CFAP58: variants seen among roughly 807,000 people sequenced by gnomAD.
The protein encoded by CFAP58 is cilia- and flagella-associated protein 58.
In CFAP58, 88 loss-of-function variants were observed where a neutral mutation model predicts 119.5. The observed-to-expected ratio is 0.74, with a 90% CI of 0.62 to 0.88. CFAP58 has a LOEUF of 0.88. CFAP58 is among the 40% of genes least tolerant of loss of function. CFAP58 has a pLI of 0.00. For synonymous variants in CFAP58, 365 were observed against 366.3 expected (o/e 1.00, Z 0.04); for missense variants, 990 against 1,021.2 (o/e 0.97, Z 0.42).
rs762411980 is a variant in CFAP58, at chr10:104,406,814, A to G, written c.2256+21A>G. ...TCCAGGTAGCATTTTTGTTTTCTGT[A>G]CTCATTGTACAAGTCCTTAGCACCA... is the stretch of plus-strand genomic sequence containing the variant. On this transcript the variant is annotated intron_variant, in intron 15 of 17. Coordinates refer to ENST00000369704, the MANE Select transcript of CFAP58 (RefSeq NM_001008723.2). The G allele has an allele frequency of 2.5e-6, 4 of 1,582,596 alleles. No homozygotes were observed. The South Asian group carries it at 4.4e-5, about 18-fold the overall frequency.
intron 15 of CFAP58, among the ~76,000 whole-genome samples, chr10:104,410,710 A>C (rs2012446392): frequency 6.6e-6 from 1 of 151,956 alleles, no homozygotes; most frequent in African/African-American, 2.4e-5. Flanking sequence ...TTGGGTATTA[A>C]TTTAGTTTTG....
chr10:104,405,623 A>C (rs1490317138), intron 14 of CFAP58, among the ~76,000 whole-genome samples: 1 of 152,248 alleles, frequency 6.6e-6, no homozygotes, highest in Non-Finnish European at 1.5e-5. Context: ...TAGTGAAGGA[A>C]CATCAAAGCT....
intron 15 of CFAP58, among the ~76,000 whole-genome samples, chr10:104,415,929 G>A (rs559782564): frequency 6.6e-6 from 1 of 152,310 alleles, no homozygotes; most frequent in South Asian, 2.1e-4. Flanking sequence ...TCCTTTGAGT[G>A]CTTACTGTAT....
rs762856692 is a variant in CFAP58, at chr10:104,406,714, T to C, written c.2177T>C (p.Leu726Pro). ...LEASDPNAYE[L>P]IQKIHTLQKR... Reference sequence around the variant, plus strand: ...GCCAGCGACCCCAATGCATATGAGCTGATACAGAAAATTCACACCCTGCAG... The same window carrying C: ...GCCAGCGACCCCAATGCATATGAGCCGATACAGAAAATTCACACCCTGCAG... Residue 726 changes from leucine (L) to proline (P), a missense_variant, in exon 15 of 18, where the codon CTG becomes CCG. By Grantham distance (98) the Leu-to-Pro change is moderately conservative. Transcript: ENST00000369704. The C allele has an allele frequency of 1.9e-6, 3 of 1,614,196 alleles. No homozygotes were observed. The South Asian group carries it at 3.3e-5, about 18-fold the overall frequency.
At chr10:104,419,561 C>T (rs1327348823) in intron 15 of CFAP58, among the ~76,000 whole-genome samples, 8 of 149,972 alleles carry the variant, frequency 5.3e-5, no homozygotes, top group Admixed American at 2.6e-4. Context: ...TTATCTGTGT[C>T]CTTTTTTTTT....
rs374879362 is a variant in CFAP58 at position 104,358,613 on chromosome 10, C to T, written c.282C>T (p.Ser94=). 8 of 1,608,492 alleles carry T rather than the reference C, an allele frequency of 5.0e-6. No individual in the cohort carries two copies. The African/African-American group carries it at 1.1e-4, about 22-fold the overall frequency. The change falls in exon 2 of 18, where the codon TCC becomes TCT. Residue 94 remains serine (S), a synonymous_variant. Coordinates refer to ENST00000369704, the MANE Select transcript of CFAP58 (RefSeq NM_001008723.2). The part of the protein sequence containing the change: ...LSQDDQTTIA[S]LKKEIEKAWK... ...AGGATGATCAGACCACCATTGCATCCCTAAAGAAGGTCAGTGATCTTCTAG... is the reference window on the plus strand; with the variant it reads ...AGGATGATCAGACCACCATTGCATCTCTAAAGAAGGTCAGTGATCTTCTAG...
chr10:104,348,988 T>C (rs1341680617), upstream of CFAP58, among the ~76,000 whole-genome samples: 3 of 152,196 alleles, frequency 2.0e-5, no homozygotes, highest in African/African-American at 7.2e-5. Context: ...GGCTCACACC[T>C]GTAATCCCAG....
At chr10:104,370,358 T>G (rs1336185488) in intron 6 of CFAP58, among the ~76,000 whole-genome samples, 4 of 152,228 alleles carry the variant, frequency 2.6e-5, no homozygotes, top group Non-Finnish European at 4.4e-5. Flanking sequence ...TAATTGGACT[T>G]ACAGTTCCAC....
At chr10:104,436,782 ACTCACCTGC>A (rs531228531) in intron 15 of CFAP58, among the ~76,000 whole-genome samples, 32 of 152,202 alleles carry the variant, frequency 2.1e-4, no homozygotes, top group African/African-American at 7.2e-4. Context: ...TTGAAAACAA[ACTCACCTGC>A]CTGTCATTGA....
intron 15 of CFAP58, among the ~76,000 whole-genome samples, chr10:104,424,170 A>C (rs1478884055): frequency 6.6e-6 from 1 of 152,144 alleles, no homozygotes; most frequent in East Asian, 1.9e-4. Flanking sequence ...GCATGTATTT[A>C]ATGTGTAGGA....
chr10:104,431,746 T>C (rs140974102), intron 15 of CFAP58, among the ~76,000 whole-genome samples: 40 of 152,334 alleles, frequency 2.6e-4, no homozygotes, highest in African/African-American at 8.9e-4. Flanking sequence ...ATTCCTTCAG[T>C]ATATTTTTGT....
chr10:104,407,940 C>A (rs1177677017), intron 15 of CFAP58, among the ~76,000 whole-genome samples: 1 of 152,224 alleles, frequency 6.6e-6, no homozygotes, highest in Non-Finnish European at 1.5e-5. Context: ...CAAGTATCTG[C>A]CTGCCTTGGC....
chr10:104,421,171 A>G (rs1046789658), intron 15 of CFAP58, among the ~76,000 whole-genome samples: 3 of 152,234 alleles, frequency 2.0e-5, no homozygotes, highest in African/African-American at 7.2e-5. Context: ...GGTGATGTAT[A>G]TTAAGTGAGT....
chr10:104,358,008 C>G (rs541313430), intron 1 of CFAP58, among the ~76,000 whole-genome samples: 1 of 130,556 alleles, frequency 7.7e-6, no homozygotes, highest in Non-Finnish European at 1.7e-5. Flanking sequence ...CACATATATA[C>G]ACATATATGT....
intron 15 of CFAP58, among the ~76,000 whole-genome samples, chr10:104,442,341 G>A (rs915610372): frequency 6.6e-6 from 1 of 152,188 alleles, no homozygotes; most frequent in African/African-American, 2.4e-5. Flanking sequence ...TGTAATCCCA[G>A]CACTTTGGGA....
chr10:104,383,564 A>G (rs528162997), intron 9 of CFAP58, among the ~76,000 whole-genome samples: 10 of 152,204 alleles, frequency 6.6e-5, no homozygotes, highest in Non-Finnish European at 1.2e-4. Context: ...TTAACCACAC[A>G]TAATGTCTTA....
intron 8 of CFAP58, 58 bp from the exon 9 acceptor site, chr10:104,379,969 CTT>C: frequency 6.8e-7 from 1 of 1,462,208 alleles, no homozygotes; most frequent in Middle Eastern, 1.8e-4. Flanking sequence ...AGAGGGTAAA[CTT>C]AACCCCAAAT....
intron 12 of CFAP58, 70 bp downstream of exon 12, chr10:104,399,570 A>T: frequency 6.6e-7 from 1 of 1,512,152 alleles, no homozygotes; most frequent in Non-Finnish European, 9.0e-7. Context: ...ACCCTTCGAA[A>T]CTTCCTTCCT....
chr10:104,436,891 C>T (rs1029124749), intron 15 of CFAP58, among the ~76,000 whole-genome samples: 2 of 152,196 alleles, frequency 1.3e-5, no homozygotes, highest in East Asian at 1.9e-4. Context: ...CCAAATTGAA[C>T]TACTTACTGG....
Sources: allele counts gnomAD v4.1 joint callset (sites outside exome capture counted in the v4.1 genomes callset), GRCh38; gene constraint gnomAD v4.1.1; transcripts MANE v1.5; gene names NCBI Gene and HGNC (gene_info 2026-07-23, HGNC 2026-07-21).